PUM2: variants seen among roughly 807,000 people sequenced by gnomAD.
PUM2 encodes pumilio RNA binding family member 2, also known as pumilio homolog 2.
In PUM2, 57 loss-of-function variants were observed where a neutral mutation model predicts 124.5. That is an observed-to-expected ratio of 0.46 (90% confidence interval 0.37 to 0.57). The LOEUF is 0.57. Ranked by LOEUF, PUM2 falls within the 20% of genes least tolerant of loss-of-function variation. The pLI is 0.00. For synonymous variants in PUM2, 460 were observed against 446.1 expected, an observed-to-expected ratio of 1.03 and a Z score of -0.39; for missense variants, 1,065 against 1,290.6, an observed-to-expected ratio of 0.83 and a Z score of 2.68.
At chr2:20,342,043 C>T (rs1232670757) in intron 1 of PUM2, among the ~76,000 whole-genome samples, 2 of 150,836 alleles carry the variant, frequency 1.3e-5, no homozygotes, top group South Asian at 2.1e-4. Context: ...GCAGGAGAAT[C>T]GCTTAAACCC....
rs767318598 is a variant in PUM2, at chr2:20,251,607, C to T, written c.3173G>A (p.Gly1058Glu). The T allele has an allele frequency of 6.2e-7, 1 of 1,613,140 alleles. No individual in the cohort carries two copies. The highest frequency in any genetic ancestry group is 1.1e-5 in the South Asian group (1 of 90,850). Reference sequence around the variant, plus strand: ...AATTTACAGCATTCCATTTGGTGGTCCTCCAATAGGTCCTAGGTCCGGGCT... The same window carrying T: ...AATTTACAGCATTCCATTTGGTGGTTCTCCAATAGGTCCTAGGTCCGGGCT... ...KNSPDLGPIG[G>E]PPNGML Residue 1058 changes from glycine to glutamate, a missense_variant, in exon 21 of 21, where the codon GGA becomes GAA. Around this residue, in one of 3 missense-constraint regions of PUM2, gnomAD observed 968 missense variants for 1,159.8 expected, o/e 0.83. Transcript: ENST00000361078.
chr2:20,331,043 T>C (rs959329495), intron 1 of PUM2, among the ~76,000 whole-genome samples: 7 of 152,038 alleles, frequency 4.6e-5, no homozygotes, highest in Non-Finnish European at 8.8e-5. Context: ...TTATATCCTA[T>C]AGCCTTACAT....
intron 10 of PUM2, among the ~76,000 whole-genome samples, chr2:20,288,495 A>T (rs956014577): frequency 4.6e-5 from 7 of 152,236 alleles, no homozygotes; most frequent in African/African-American, 1.7e-4. Context: ...AGGGAAGCAG[A>T]GCAGAGATAA....
intron 19 of PUM2, among the ~76,000 whole-genome samples, chr2:20,254,538 T>C (rs981071954): frequency 6.6e-6 from 1 of 152,184 alleles, no homozygotes; most frequent in African/African-American, 2.4e-5. Context: ...ACAGGTCTCT[T>C]AAAATTGTAC....
Position 20,330,272 on chromosome 2 carries a change from G to A in PUM2, c.-18-2894C>T, listed in dbSNP as rs116557214. On this transcript the variant is annotated intron_variant, in intron 1 of 20. Coordinates refer to ENST00000361078, the MANE Select transcript of PUM2 (RefSeq NM_015317.5). Reference sequence around the variant, plus strand: ...GGCTGAAAATGTAATACTGTAAAACGTATTTTTGGCCTTTGTCCATGTCCT... The same window carrying A: ...GGCTGAAAATGTAATACTGTAAAACATATTTTTGGCCTTTGTCCATGTCCT... Among the ~76,000 whole-genome samples the A allele has an allele frequency of 3.3e-5, 5 of 152,100 alleles. No homozygotes were observed. In the South Asian group the frequency reaches 1.0e-3, roughly 32 times the overall value.
At chr2:20,259,221 A>G (rs62123439) in intron 15 of PUM2, among the ~76,000 whole-genome samples, 6,053 of 152,338 alleles carry the variant, frequency 0.04, 126 homozygotes, top group Middle Eastern at 0.068. Flanking sequence ...TTATATTTTC[A>G]AATATGAATC....
At position 20,350,608 on chromosome 2, in the gene PUM2, G is replaced by A. The variant is rs946541956; in HGVS notation, c.-30C>T. On this transcript the variant is annotated 5_prime_UTR_variant, in exon 1 of 21. Transcript: ENST00000361078. Reference sequence around the variant, plus strand: ...GCGGACTGACTTACAGGGCTGCTGCGGCCGCGCTGCCTCAGCCGGGGACAC... The same window carrying A: ...GCGGACTGACTTACAGGGCTGCTGCAGCCGCGCTGCCTCAGCCGGGGACAC... 1.0e-6 allele frequency: 1 copy of A among 985,330 alleles called. No homozygotes were observed. The highest frequency in any genetic ancestry group is 1.1e-4 in the East Asian group (1 of 8,802). The allele number at this position is 985,330 out of a possible 1,614,324, so 61.0% of individuals were successfully genotyped here.
At chr2:20,283,265 A>C in intron 11 of PUM2, 34 bp from the exon 12 acceptor site, 1 of 1,606,998 alleles carries the variant, frequency 6.2e-7, no homozygotes, top group Non-Finnish European at 8.5e-7. Flanking sequence ...TCTTTAAACC[A>C]CCCAGAAAAT....
At chr2:20,254,778 A>G in intron 19 of PUM2, 85 bp downstream of exon 19, 2 of 1,380,708 alleles carry the variant, frequency 1.4e-6, no homozygotes, top group Non-Finnish European at 2.0e-6. Flanking sequence ...GTTTAATGCT[A>G]CATGCTACAC....
At chr2:20,292,557 T>C (rs1467233977) in intron 9 of PUM2, among the ~76,000 whole-genome samples, 2 of 151,674 alleles carry the variant, frequency 1.3e-5, no homozygotes, top group Non-Finnish European at 2.9e-5. Flanking sequence ...AGACGGGGTT[T>C]CACCATTTTG....
intron 1 of PUM2, chr2:20,332,873 T>G (rs541004781): frequency 6.4e-4 from 98 of 152,314 alleles, no homozygotes; most frequent in African/African-American, 1.8e-3. Flanking sequence ...CATGTACTGC[T>G]TGGGGTATAA....
In PUM2 at chr2:20,309,038, G is replaced by A. The variant is rs185217815; in HGVS notation, c.519-454C>T. On this transcript the variant is annotated intron_variant, in intron 5 of 20. Transcript: ENST00000361078. Reference sequence around the variant, plus strand: ...ACACATAATTTTGCCATAACATCCTGCTTAATAATACTTAAGAAAAAAATC... The same window carrying A: ...ACACATAATTTTGCCATAACATCCTACTTAATAATACTTAAGAAAAAAATC... 3.9e-5 allele frequency among the ~76,000 whole-genome samples: 6 copies of A among 152,158 alleles called. No homozygotes were observed. In the East Asian group the frequency reaches 1.2e-3, roughly 29 times the overall value.
rs546441540 is a variant in PUM2, at chr2:20,267,361, T to A, written c.1958-3901A>T. Among the ~76,000 whole-genome samples, 5 of 152,014 alleles carry A rather than the reference T, an allele frequency of 3.3e-5. No individual in the cohort carries two copies. In the East Asian group the frequency reaches 9.7e-4, roughly 29 times the overall value. ...TCCTTTCAAAAGTAAACCCAAATAG[T>A]GTTGTGGATGAGGGGAAGAAGAGAG... On this transcript the variant is annotated intron_variant, in intron 13 of 20. Transcript: ENST00000361078.
intron 1 of PUM2, among the ~76,000 whole-genome samples, chr2:20,341,339 T>G (rs1019606991): frequency 4.6e-5 from 7 of 151,944 alleles, no homozygotes; most frequent in African/African-American, 1.7e-4. Context: ...TAAGCCAAAC[T>G]CAACAACAGA....
intron 16 of PUM2, among the ~76,000 whole-genome samples, chr2:20,256,913 G>C (rs1195468131): frequency 1.3e-5 from 2 of 151,576 alleles, no homozygotes; most frequent in Non-Finnish European, 1.5e-5. Flanking sequence ...ACGTGGTGGC[G>C]CATGTCTGTA....
At chr2:20,333,648 C>T (rs1432837460) in intron 1 of PUM2, among the ~76,000 whole-genome samples, 1 of 152,136 alleles carries the variant, frequency 6.6e-6, no homozygotes. Flanking sequence ...CATGATGGTT[C>T]ACGCCTGTAA....
chr2:20,332,282 AGTGTGTGTGTGT>A lies in PUM2; in HGVS notation c.-18-4916_-18-4905del, dbSNP rs55986830. Among the ~76,000 whole-genome samples the A allele has an allele frequency of 2.2e-3, 326 of 145,444 alleles. 3 individuals carry two copies. Among genetic ancestry groups the A allele is most frequent in the Middle Eastern group, 0.011 (3 of 284 alleles). On this transcript the variant is annotated intron_variant, in intron 1 of 20. Transcript: ENST00000361078. ...TCAACTTTTTCACTTATACTACTAGAGTGTGTGTGTGTGTGTGTGTGTGTGTGTGTGTGTGTG... is the reference window on the plus strand; with the variant it reads ...TCAACTTTTTCACTTATACTACTAGAGTGTGTGTGTGTGTGTGTGTGTGTG...
intron 2 of PUM2, among the ~76,000 whole-genome samples, chr2:20,326,841 T>C (rs75276272): frequency 0.012 from 1,820 of 152,308 alleles, 35 homozygotes; most frequent in African/African-American, 0.04. Context: ...CTTAATTCTA[T>C]GGCAGATAGC....
chr2:20,281,723 T>A (rs1671569294), intron 12 of PUM2, among the ~76,000 whole-genome samples: 4 of 152,170 alleles, frequency 2.6e-5, no homozygotes, highest in Admixed American at 2.6e-4. Context: ...ACAATCCCCA[T>A]GTTCACTGGA....
Sources: gnomAD v4.1 joint callset for allele counts (sites outside exome capture counted in the v4.1 genomes callset) on GRCh38, gnomAD v4.1.1 for gene constraint, gnomAD v4.1.1 regional missense constraint, MANE v1.5 for transcripts, NCBI Gene and HGNC (gene_info 2026-07-23, HGNC 2026-07-21) for gene names.